The following FSHR variants were observed in gnomAD, a reference collection of about 807,000 sequenced individuals.
The protein encoded by FSHR is follicle-stimulating hormone receptor.
A neutral mutation model predicts 52.1 loss-of-function variants in FSHR; 46 were observed. The ratio of observed to expected loss-of-function variants is 0.88; its 90% CI spans 0.70 to 1.13. FSHR has a LOEUF of 1.13. FSHR is among the 50% of genes most tolerant of loss of function. The pLI, the probability that FSHR is intolerant of heterozygous loss-of-function variation, is 0.00. For missense variants in FSHR, 964 were observed against 834.6 expected, an observed-to-expected ratio of 1.16 and a Z score of -1.91; for synonymous variants, 399 against 309.6, an observed-to-expected ratio of 1.29 and a Z score of -3.03.
chr2:49,051,468 G>A (rs537479539), intron 2 of FSHR, among the ~76,000 whole-genome samples: 3 of 151,930 alleles, frequency 2.0e-5, no homozygotes, highest in Non-Finnish European at 2.9e-5. Context: ...GCTTATTGCC[G>A]ATTCGTGTAT....
intron 1 of FSHR, among the ~76,000 whole-genome samples, chr2:49,134,566 T>C (rs542290817): frequency 1.3e-5 from 2 of 152,312 alleles, no homozygotes; most frequent in Non-Finnish European, 2.9e-5. Context: ...CATTACTGGG[T>C]ATATACCCAA....
chr2:49,039,879 G>T (rs943185323), intron 2 of FSHR, among the ~76,000 whole-genome samples: 21 of 151,604 alleles, frequency 1.4e-4, no homozygotes, highest in Admixed American at 7.9e-4. Flanking sequence ...ATCTTATGGT[G>T]GAATTATGTA....
chr2:49,090,477 C>T (rs959145072), intron 1 of FSHR, among the ~76,000 whole-genome samples: 1 of 152,078 alleles, frequency 6.6e-6, no homozygotes, highest in African/African-American at 2.4e-5. Context: ...AGTAGTATTC[C>T]ACTGTATGAA....
At chr2:49,080,574 C>T (rs879170617) in intron 1 of FSHR, among the ~76,000 whole-genome samples, 4 of 152,016 alleles carry the variant, frequency 2.6e-5, no homozygotes, top group Non-Finnish European at 5.9e-5. Context: ...ATGTTGAGAG[C>T]AAAAACCAAA....
chr2:48,966,600 A>G (rs551544136), intron 9 of FSHR, among the ~76,000 whole-genome samples: 1 of 152,216 alleles, frequency 6.6e-6, no homozygotes, highest in African/African-American at 2.4e-5. Flanking sequence ...GAATTTCATC[A>G]TACAAGTTAA....
intron 2 of FSHR, among the ~76,000 whole-genome samples, chr2:49,046,103 A>G (rs1668643895): frequency 6.6e-6 from 1 of 152,214 alleles, no homozygotes; most frequent in Admixed American, 6.5e-5. Context: ...CCTGTGAGGT[A>G]GGAACAAATA....
intron 4 of FSHR, among the ~76,000 whole-genome samples, chr2:48,993,740 G>T (rs1675890513): frequency 1.3e-5 from 2 of 152,008 alleles, no homozygotes; most frequent in African/African-American, 4.8e-5. Context: ...AGCCCCTGTG[G>T]CTTTCTTTCA....
chr2:49,033,741 C>A (rs114491125), intron 2 of FSHR, among the ~76,000 whole-genome samples: 1,818 of 152,192 alleles, frequency 0.012, 17 homozygotes, highest in Non-Finnish European at 0.017. Context: ...AAATCATTTA[C>A]CCCCAAGTGC....
Position 49,082,136 on chromosome 2 carries a change from C to T in FSHR, c.153-13846G>A, listed in dbSNP as rs1257770065. The stretch of plus-strand genomic sequence containing the variant: ...GCTTTGAAGAGAGCAGTGGTTCTCC[C>T]AGCACGCAGCTGGAGATCTGAGAAC... On this transcript the variant is annotated intron_variant, in intron 1 of 9. Coordinates refer to ENST00000406846, the MANE Select transcript of FSHR (RefSeq NM_000145.4). Among the ~76,000 whole-genome samples the T allele has an allele frequency of 3.3e-5, 5 of 152,256 alleles. No individual in the cohort carries two copies. In the East Asian group the frequency reaches 5.8e-4, roughly 18 times the overall value.
chr2:49,073,557 A>G (rs749101246), intron 1 of FSHR, among the ~76,000 whole-genome samples: 1 of 152,084 alleles, frequency 6.6e-6, no homozygotes, highest in Non-Finnish European at 1.5e-5. Flanking sequence ...AGAAGATACA[A>G]ATGTAAAGAC....
At chr2:49,083,640 A>G (rs1277275075) in intron 1 of FSHR, among the ~76,000 whole-genome samples, 2 of 150,278 alleles carry the variant, frequency 1.3e-5, no homozygotes, top group Non-Finnish European at 3.0e-5. Flanking sequence ...AAATAAAAGG[A>G]TGGAGGAAGC....
At chr2:48,968,972 G>A in intron 8 of FSHR, 89 bp from the exon 9 acceptor site, 1 of 1,154,660 alleles carries the variant, frequency 8.7e-7, no homozygotes, top group Non-Finnish European at 1.3e-6. Context: ...AGACACACTA[G>A]TGATATTCTT....
chr2:49,007,115 C>G (rs1667099516), intron 4 of FSHR, among the ~76,000 whole-genome samples: 1 of 152,074 alleles, frequency 6.6e-6, no homozygotes, highest in Non-Finnish European at 1.5e-5. Flanking sequence ...GGGGAGCCAC[C>G]AGGCCTTTCC....
Position 48,990,632 on chromosome 2 carries a change from A to G in FSHR, c.380T>C (p.Ile127Thr), listed in dbSNP as rs1418661302. ...QNLPNLQYLL[I>T]SNTGIKHLPD... ...AAGGTGCTTAATACCTGTGTTGGAT[A>G]TTAACCTAGAGAGAAACAAAATGAG... Residue 127 changes from isoleucine (I) to threonine (T), a missense_variant, in exon 5 of 10, where the codon ATA becomes ACA. Physicochemically the swap from Ile to Thr is moderately conservative, Grantham distance 89. Transcript: ENST00000406846. 1 of 1,601,384 alleles carries G rather than the reference A, an allele frequency of 6.2e-7. No individual in the cohort carries two copies. The highest frequency in any genetic ancestry group is 8.6e-7 in the Non-Finnish European group (1 of 1,168,528).
intron 9 of FSHR, 75 bp downstream of exon 9, chr2:48,968,623 C>T (rs924505213): frequency 1.3e-6 from 2 of 1,538,830 alleles, no homozygotes; most frequent in Non-Finnish European, 1.8e-6. Context: ...CTCTTCATGT[C>T]ACAGATAGGT....
intron 2 of FSHR, among the ~76,000 whole-genome samples, chr2:49,051,142 G>C (rs1668842182): frequency 6.6e-6 from 1 of 152,018 alleles, no homozygotes; most frequent in Non-Finnish European, 1.5e-5. Flanking sequence ...GCCTGCTGAT[G>C]GACATTTGAG....
intron 4 of FSHR, among the ~76,000 whole-genome samples, chr2:48,996,687 A>C (rs1032969772): frequency 1.3e-5 from 2 of 152,144 alleles, no homozygotes; most frequent in Non-Finnish European, 2.9e-5. Context: ...ATGACAGCTG[A>C]AACGAGGTGG....
intron 1 of FSHR, among the ~76,000 whole-genome samples, chr2:49,096,453 G>A (rs1236290309): frequency 6.6e-6 from 1 of 152,218 alleles, no homozygotes; most frequent in Non-Finnish European, 1.5e-5. Context: ...TTGGCTAGGG[G>A]GAGAAGGAAA....
At chr2:49,038,634 ATAATAATAATAAT>A (rs1558404963) in intron 2 of FSHR, among the ~76,000 whole-genome samples, 10 of 107,620 alleles carry the variant, frequency 9.3e-5, no homozygotes, top group East Asian at 7.6e-4. Flanking sequence ...CAAAATAATA[ATAATAATAATAAT>A]AATAATAATA....
Sources: allele counts gnomAD v4.1 joint callset (sites outside exome capture counted in the v4.1 genomes callset), GRCh38; gene constraint gnomAD v4.1.1; transcripts MANE v1.5; gene names NCBI Gene and HGNC (gene_info 2026-07-23, HGNC 2026-07-21).